The following UCHL5 variants were observed in gnomAD, a reference collection of about 807,000 sequenced individuals.
UCHL5 encodes ubiquitin C-terminal hydrolase L5.
In UCHL5, 34 loss-of-function variants were observed where a neutral mutation model predicts 53.8. The ratio of observed to expected loss-of-function variants is 0.63; its 90% CI spans 0.48 to 0.84. The LOEUF is 0.84. Among genes scored for constraint, UCHL5 ranks in the 40% least tolerant of loss-of-function variants. The pLI is 0.00. For missense variants in UCHL5, 290 were observed against 385.6 expected (o/e 0.75, Z 2.08); for synonymous variants, 111 against 126.3 (o/e 0.88, Z 0.81).
intron 3 of UCHL5, among the ~76,000 whole-genome samples, chr1:193,030,763 T>A (rs1278268808): frequency 6.6e-6 from 1 of 152,168 alleles, no homozygotes; most frequent in African/African-American, 2.4e-5. Flanking sequence ...AAGAAAAAAA[T>A]TCAATTATTT....
intron 7 of UCHL5, among the ~76,000 whole-genome samples, chr1:193,024,585 GTAAA>G (rs1284323780): frequency 6.7e-6 from 1 of 148,188 alleles, no homozygotes; most frequent in South Asian, 2.1e-4. Context: ...TATCTTATAT[GTAAA>G]TAAATATAAC....
rs1657672022 is a variant in UCHL5, at chr1:193,022,913, T to G, written c.843+13A>C. 3 of 1,573,514 alleles carry G rather than the reference T, an allele frequency of 1.9e-6. No individual in the cohort carries two copies. The East Asian group carries it at 6.7e-5, about 35-fold the overall frequency. ...TATTAAAACATTAAAGGAACACATTTTTAAAAACATACCTTGTATCTTTTT... is the reference window on the plus strand; with the variant it reads ...TATTAAAACATTAAAGGAACACATTGTTAAAAACATACCTTGTATCTTTTT... On this transcript the variant is annotated intron_variant, in intron 9 of 10. Transcript: ENST00000367454.
chr1:193,028,717 T>C (rs1660264958), intron 6 of UCHL5, among the ~76,000 whole-genome samples: 1 of 152,118 alleles, frequency 6.6e-6, no homozygotes, highest in Non-Finnish European at 1.5e-5. Flanking sequence ...GCAGAAAGGA[T>C]AACACATTAA....
chr1:193,036,944 C>T (rs1433750166), intron 3 of UCHL5, among the ~76,000 whole-genome samples: 1 of 151,656 alleles, frequency 6.6e-6, no homozygotes, highest in Non-Finnish European at 1.5e-5. Context: ...ATTTAAAATG[C>T]ATTGAAACAA....
Position 193,016,315 on chromosome 1 carries a change from G to A in UCHL5, c.*36C>T. 6.3e-7 allele frequency: 1 copy of A among 1,594,762 alleles called. No individual in the cohort carries two copies. The highest frequency in any genetic ancestry group is 8.5e-7 in the Non-Finnish European group (1 of 1,174,022). On this transcript the variant is annotated 3_prime_UTR_variant, in exon 11 of 11. Coordinates refer to ENST00000367454, the MANE Select transcript of UCHL5 (RefSeq NM_001199261.3). ...CATAATGGTTTCCATGAAAATATGT[G>A]CAGAAGCAGAAATGTGTACATATCT...
intron 2 of UCHL5, among the ~76,000 whole-genome samples, chr1:193,051,104 T>C (rs1668898008): frequency 6.6e-6 from 1 of 152,142 alleles, no homozygotes; most frequent in Admixed American, 6.5e-5. Context: ...TAAGTCCCTA[T>C]TTTCCCTTTT....
chr1:193,031,420 A>G (rs753663817), intron 3 of UCHL5, among the ~76,000 whole-genome samples: 1 of 152,108 alleles, frequency 6.6e-6, no homozygotes, highest in Non-Finnish European at 1.5e-5. Context: ...TTATTTTAGG[A>G]TTTTAAGAAG....
chr1:193,029,067 T>C (rs1571589713), intron 6 of UCHL5, 112 bp downstream of exon 6: 4 of 1,291,144 alleles, frequency 3.1e-6, no homozygotes, highest in East Asian at 4.7e-5. Context: ...TTATATTATG[T>C]TACCTCATAG....
In UCHL5 at chr1:193,023,052, A is replaced by C. The variant is rs763831242; in HGVS notation, c.733-16T>G. ...CCATGGGTTCCTCCTTGGGGGAAGGAAAAGAAATAGCACACCCTAATAATT... is the reference window on the plus strand; with the variant it reads ...CCATGGGTTCCTCCTTGGGGGAAGGCAAAGAAATAGCACACCCTAATAATT... On this transcript the variant is annotated splice_polypyrimidine_tract_variant and intron_variant, in intron 8 of 10. Transcript: ENST00000367454. The C allele has an allele frequency of 2.6e-6, 4 of 1,526,282 alleles. No individual in the cohort carries two copies. In the African/African-American group the frequency reaches 5.5e-5, roughly 21 times the overall value. The allele number at this position is 1,526,282 out of a possible 1,614,324, so 94.5% of individuals were successfully genotyped here.
Position 193,016,389 on chromosome 1 carries a change from C to T in UCHL5, c.949G>A (p.Glu317Lys). The T allele has an allele frequency of 6.2e-7, 1 of 1,605,578 alleles. No individual in the cohort carries two copies. The highest frequency in any genetic ancestry group is 8.5e-7 in the Non-Finnish European group (1 of 1,177,156). ...TGAGCTTTCTTTGCGTTCTGTTTTT[C>T]TTTTGCCTAAAAATTAAAAATAGTA... is the stretch of plus-strand genomic sequence containing the variant. Reference protein sequence around the residue: ...QLIPLVEKAKEKQNAKKAQET... With the variant: ...QLIPLVEKAKKKQNAKKAQET... Residue 317 changes from glutamate (E) to lysine (K), a missense_variant, in exon 11 of 11, where the codon GAA (glutamate) becomes AAA (lysine). Coordinates refer to ENST00000367454, the MANE Select transcript of UCHL5 (RefSeq NM_001199261.3).
chr1:193,031,062 T>C (rs982846093), intron 3 of UCHL5, among the ~76,000 whole-genome samples: 3 of 152,216 alleles, frequency 2.0e-5, no homozygotes, highest in Non-Finnish European at 4.4e-5. Context: ...GCATTGCTGC[T>C]GACTTATACG....
At chr1:193,057,769 T>C (rs900591238) in intron 1 of UCHL5, among the ~76,000 whole-genome samples, 1 of 152,264 alleles carries the variant, frequency 6.6e-6, no homozygotes, top group Non-Finnish European at 1.5e-5. Flanking sequence ...GGCTAACCCA[T>C]ATACTTTAAC....
chr1:193,022,430 C>T (rs1001983358), intron 9 of UCHL5, among the ~76,000 whole-genome samples: 1 of 151,998 alleles, frequency 6.6e-6, no homozygotes, highest in African/African-American at 2.4e-5. Flanking sequence ...GAGGCTGAGA[C>T]GGGCAGATCA....
chr1:193,017,059 C>T (rs1655113568), intron 10 of UCHL5, among the ~76,000 whole-genome samples: 1 of 151,760 alleles, frequency 6.6e-6, no homozygotes, highest in African/African-American at 2.4e-5. Context: ...AGATCAAAGA[C>T]ATATGCTTTA....
chr1:193,047,766 GAC>G (rs1667812434), intron 3 of UCHL5, among the ~76,000 whole-genome samples: 1 of 152,108 alleles, frequency 6.6e-6, no homozygotes, highest in Non-Finnish European at 1.5e-5. Flanking sequence ...GTAATTCTAA[GAC>G]AGTTTTTGCC....
chr1:193,038,453 T>TC (rs1370923125), intron 3 of UCHL5, among the ~76,000 whole-genome samples: 6 of 116,362 alleles, frequency 5.2e-5, no homozygotes, highest in African/African-American at 2.0e-4. Flanking sequence ...AGACTTCATC[T>TC]CAAAAAAAAA....
intron 3 of UCHL5, among the ~76,000 whole-genome samples, chr1:193,045,984 T>C (rs1667210310): frequency 6.6e-6 from 1 of 151,660 alleles, no homozygotes; most frequent in African/African-American, 2.4e-5. Context: ...AGTTACTATA[T>C]GTATAATGAT....
At chr1:193,057,972 G>C (rs553441249) in intron 1 of UCHL5, among the ~76,000 whole-genome samples, 110 of 152,214 alleles carry the variant, frequency 7.2e-4, no homozygotes, top group Non-Finnish European at 1.3e-3. Flanking sequence ...GCTCACGCCT[G>C]TAATCCCAAC....
chr1:193,033,780 T>C (rs1315363474), intron 3 of UCHL5, among the ~76,000 whole-genome samples: 1 of 152,118 alleles, frequency 6.6e-6, no homozygotes, highest in Non-Finnish European at 1.5e-5. Flanking sequence ...CATTTTATAC[T>C]GGAGTATCAG....
Sources: allele counts gnomAD v4.1 joint callset (sites outside exome capture counted in the v4.1 genomes callset), GRCh38; gene constraint gnomAD v4.1.1; transcripts MANE v1.5; gene names NCBI Gene and HGNC (gene_info 2026-07-23, HGNC 2026-07-21).